Variants in SH3RF3 observed in about 807,000 individuals in gnomAD.
SH3RF3 encodes SH3 domain containing ring finger 3, also known as E3 ubiquitin-protein ligase SH3RF3.
Under a neutral mutation model 66.3 loss-of-function variants are expected in SH3RF3, and 29 were observed. The ratio of observed to expected loss-of-function variants is 0.44; its 90% CI spans 0.33 to 0.60. SH3RF3 has a LOEUF of 0.60. Ranked by LOEUF, SH3RF3 falls within the 20% of genes least tolerant of loss-of-function variation. The pLI is 0.04. For missense variants in SH3RF3, 1,194 were observed against 1,190.9 expected (o/e 1.00, Z -0.04); for synonymous variants, 583 against 532.0 (o/e 1.10, Z -1.32).
intron 4 of SH3RF3, among the ~76,000 whole-genome samples, chr2:109,412,822 G>T (rs1433263348): frequency 6.6e-6 from 1 of 152,230 alleles, no homozygotes; most frequent in Non-Finnish European, 1.5e-5. Context: ...TTATGGTTTG[G>T]TATGTAAGTT....
At chr2:109,301,126 G>C (rs1048675502) in intron 1 of SH3RF3, among the ~76,000 whole-genome samples, 9 of 152,174 alleles carry the variant, frequency 5.9e-5, no homozygotes, top group Non-Finnish European at 1.2e-4. Flanking sequence ...GGAATAGAAG[G>C]CCAGCTCACT....
chr2:109,423,000 G>A (rs116308725), intron 5 of SH3RF3, among the ~76,000 whole-genome samples: 128 of 152,276 alleles, frequency 8.4e-4, no homozygotes, highest in Middle Eastern at 6.8e-3. Context: ...TGAGAGCAAC[G>A]GAACTCTTGG....
intron 1 of SH3RF3, among the ~76,000 whole-genome samples, chr2:109,247,298 G>C (rs1383816004): frequency 6.6e-6 from 1 of 152,180 alleles, no homozygotes; most frequent in African/African-American, 2.4e-5. Flanking sequence ...TGGCTTTCAA[G>C]AGCTTTCTTG....
At chr2:109,176,427 A>G (rs1000042917) in intron 1 of SH3RF3, among the ~76,000 whole-genome samples, 1 of 152,136 alleles carries the variant, frequency 6.6e-6, no homozygotes, top group Non-Finnish European at 1.5e-5. Flanking sequence ...GTTGCTCACA[A>G]TTTCTTGATC....
At chr2:109,143,697 T>C (rs1574472079) in intron 1 of SH3RF3, among the ~76,000 whole-genome samples, 1 of 151,996 alleles carries the variant, frequency 6.6e-6, no homozygotes, top group Non-Finnish European at 1.5e-5. Context: ...GAGGCTGCAG[T>C]GAGCCGTGAT....
chr2:109,223,388 G>C (rs1305035175), intron 1 of SH3RF3, among the ~76,000 whole-genome samples: 2 of 152,214 alleles, frequency 1.3e-5, no homozygotes, highest in African/African-American at 4.8e-5. Flanking sequence ...GCCACTAGGA[G>C]CTGCCGTGTG....
chr2:109,220,370 G>A (rs1679201952), intron 1 of SH3RF3, among the ~76,000 whole-genome samples: 1 of 152,164 alleles, frequency 6.6e-6, no homozygotes, highest in South Asian at 2.1e-4. Context: ...ATTAGGCAAT[G>A]ATTTCTTGAG....
chr2:109,183,255 A>G (rs1302144893), intron 1 of SH3RF3, among the ~76,000 whole-genome samples: 1 of 152,196 alleles, frequency 6.6e-6, no homozygotes, highest in East Asian at 1.9e-4. Context: ...TGAGATGACT[A>G]TCAGTTGAGT....
At chr2:109,305,390 G>T (rs1325785649) in intron 1 of SH3RF3, among the ~76,000 whole-genome samples, 2 of 152,052 alleles carry the variant, frequency 1.3e-5, no homozygotes, top group Non-Finnish European at 2.9e-5. Context: ...GTGTCTCGGG[G>T]CAATCAAAGG....
At chr2:109,470,599 G>A (rs1308433180) in intron 8 of SH3RF3, among the ~76,000 whole-genome samples, 4 of 152,210 alleles carry the variant, frequency 2.6e-5, no homozygotes, top group Non-Finnish European at 4.4e-5. Flanking sequence ...GTCTGGAGGA[G>A]GACAGGCAGT....
chr2:109,428,554 C>T (rs1677100818), intron 5 of SH3RF3, among the ~76,000 whole-genome samples: 1 of 152,244 alleles, frequency 6.6e-6, no homozygotes. Context: ...GCGGCCACTT[C>T]TGCCTGGAGG....
At chr2:109,154,161 A>C (rs188568403) in intron 1 of SH3RF3, among the ~76,000 whole-genome samples, 29 of 152,268 alleles carry the variant, frequency 1.9e-4, no homozygotes, top group Non-Finnish European at 3.1e-4. Flanking sequence ...TAGGGTTCAA[A>C]ATGTCATCCC....
chr2:109,219,744 A>G (rs889721744), intron 1 of SH3RF3, among the ~76,000 whole-genome samples: 1 of 152,224 alleles, frequency 6.6e-6, no homozygotes, highest in Non-Finnish European at 1.5e-5. Flanking sequence ...AAGAGGTGAA[A>G]GATTGGCACA....
chr2:109,374,610 G>A (rs893765411), intron 3 of SH3RF3, among the ~76,000 whole-genome samples: 2 of 152,170 alleles, frequency 1.3e-5, no homozygotes, highest in Non-Finnish European at 2.9e-5. Context: ...ACAGGCAGCC[G>A]GCACAGTCCC....
intron 1 of SH3RF3, among the ~76,000 whole-genome samples, chr2:109,245,226 C>T (rs976019950): frequency 1.3e-5 from 2 of 152,120 alleles, no homozygotes; most frequent in African/African-American, 4.8e-5. Flanking sequence ...TCTCTAGGGT[C>T]ATCTTACTGG....
intron 8 of SH3RF3, among the ~76,000 whole-genome samples, chr2:109,488,443 T>C (rs576379689): frequency 6.6e-6 from 1 of 152,236 alleles, no homozygotes; most frequent in Admixed American, 6.5e-5. Flanking sequence ...ACTGCAGTTC[T>C]TTCCTTCCTG....
intron 8 of SH3RF3, among the ~76,000 whole-genome samples, chr2:109,466,106 G>A (rs925824046): frequency 8.0e-6 from 1 of 125,288 alleles, no homozygotes. Flanking sequence ...TTGAGATGGA[G>A]TCTCGCTCCG....
intron 1 of SH3RF3, among the ~76,000 whole-genome samples, chr2:109,169,039 G>A (rs566950729): frequency 7.9e-4 from 121 of 152,308 alleles, no homozygotes; most frequent in African/African-American, 2.8e-3. Flanking sequence ...CTTGGTCACT[G>A]AGGGCTGAGA....
intron 1 of SH3RF3, among the ~76,000 whole-genome samples, chr2:109,276,034 G>C (rs1432018878): frequency 1.3e-5 from 2 of 152,218 alleles, no homozygotes; most frequent in South Asian, 4.1e-4. Flanking sequence ...TCATGGTTCA[G>C]TTGGCAGAGA....
Sources: allele counts gnomAD v4.1 joint callset (sites outside exome capture counted in the v4.1 genomes callset), GRCh38; gene constraint gnomAD v4.1.1; transcripts MANE v1.5; gene names NCBI Gene and HGNC (gene_info 2026-07-23, HGNC 2026-07-21).